LGSN: variants seen among roughly 807,000 people sequenced by gnomAD.
The protein encoded by LGSN is lengsin, lens protein with glutamine synthetase domain, also known as lengsin.
In LGSN, 21 loss-of-function variants were observed where a neutral mutation model predicts 19.5. The ratio of observed to expected loss-of-function variants is 1.07; its 90% CI spans 0.76 to 1.55. The LOEUF (loss-of-function observed/expected upper bound fraction) is 1.55, where lower values mean the gene tolerates loss of function less well. Ranked by LOEUF, LGSN falls within the 40% of genes most tolerant of loss-of-function variation. The pLI, the probability that LGSN is intolerant of heterozygous loss-of-function variation, is 0.00. For missense variants in LGSN, 673 were observed against 608.5 expected, an observed-to-expected ratio of 1.11 and a Z score of -1.12; for synonymous variants, 257 against 215.6, an observed-to-expected ratio of 1.19 and a Z score of -1.68.
chr6:63,464,532 A>ATAT, the LGSN span, among the ~76,000 whole-genome samples: 174 of 148,972 alleles, frequency 1.2e-3, no homozygotes, highest in African/African-American at 4.0e-3. Flanking sequence ...GTATGGAAAA[A>ATAT]ATATATATAT....
At chr6:63,412,198 G>A in the LGSN span, among the ~76,000 whole-genome samples, 1 of 151,306 alleles carries the variant, frequency 6.6e-6, no homozygotes. Flanking sequence ...AAAACCCTGT[G>A]TCTTCTAAAA....
the LGSN span, among the ~76,000 whole-genome samples, chr6:63,418,497 G>C: frequency 2.6e-5 from 4 of 152,290 alleles, no homozygotes; most frequent in East Asian, 7.7e-4. Context: ...GGAGGCGGAG[G>C]TTGCAGTGAG....
the LGSN span, among the ~76,000 whole-genome samples, chr6:63,348,526 T>C: frequency 6.6e-6 from 1 of 152,104 alleles, no homozygotes; most frequent in South Asian, 2.1e-4. Context: ...TTGGTGCGCA[T>C]GGCATTCTAG....
chr6:63,420,026 C>A, the LGSN span, among the ~76,000 whole-genome samples: 1 of 149,086 alleles, frequency 6.7e-6, no homozygotes, highest in Non-Finnish European at 1.5e-5. Context: ...CACGGTGAAA[C>A]CCCGTCTCTA....
the LGSN span, among the ~76,000 whole-genome samples, chr6:63,505,633 G>GAAAT: frequency 0.012 from 1,154 of 97,210 alleles, 163 homozygotes; most frequent in African/African-American, 0.023. Flanking sequence ...AAGAAAGAAA[G>GAAAT]AAATTCTGGC....
the LGSN span, among the ~76,000 whole-genome samples, chr6:63,470,265 CAAGA>C: frequency 6.6e-6 from 1 of 151,516 alleles, no homozygotes. Flanking sequence ...GTCAGGAGTT[CAAGA>C]CCAACCTGAC....
chr6:63,286,106 C>A (rs1767527901), intron 2 of LGSN, among the ~76,000 whole-genome samples: 1 of 152,116 alleles, frequency 6.6e-6, no homozygotes, highest in South Asian at 2.1e-4. Flanking sequence ...ACCATAAAAG[C>A]CTGTCTGTAG....
the LGSN span, among the ~76,000 whole-genome samples, chr6:63,425,610 G>A: frequency 6.6e-6 from 1 of 152,136 alleles, no homozygotes; most frequent in African/African-American, 2.4e-5. Flanking sequence ...GTCGAAGTTA[G>A]GGAGCGGGGG....
At chr6:63,499,704 T>A in the LGSN span, among the ~76,000 whole-genome samples, 5 of 152,092 alleles carry the variant, frequency 3.3e-5, no homozygotes, top group Middle Eastern at 3.2e-3. Flanking sequence ...ATGTGTTTTA[T>A]GTCGTTAAAA....
At chr6:63,378,034 GAAAAAAAA>G in the LGSN span, among the ~76,000 whole-genome samples, 5 of 85,490 alleles carry the variant, frequency 5.8e-5, no homozygotes, top group Admixed American at 6.9e-4. Context: ...CCAGATTTTT[GAAAAAAAA>G]AAAAAAAAAG....
At chr6:63,419,880 CAAAAAAAAAAAAAAAAAAAAAAAAA>C in the LGSN span, among the ~76,000 whole-genome samples, 478 of 57,336 alleles carry the variant, frequency 8.3e-3, 11 homozygotes, top group African/African-American at 0.04. Flanking sequence ...AACTCCCTCC[CAAAAAAAAAAAAAAAAAAAAAAAAA>C]AAAAAAAAAA....
upstream of LGSN, among the ~76,000 whole-genome samples, chr6:63,321,780 T>G (rs1297227063): frequency 6.6e-6 from 1 of 152,198 alleles, no homozygotes; most frequent in Non-Finnish European, 1.5e-5. Flanking sequence ...AAATGGTCAA[T>G]AAGTCCATAT....
the LGSN span, among the ~76,000 whole-genome samples, chr6:63,457,961 A>G: frequency 2.0e-5 from 3 of 152,170 alleles, no homozygotes; most frequent in African/African-American, 7.2e-5. Flanking sequence ...TCTACAAGGC[A>G]CTAGGTTGGA....
chr6:63,524,255 G>A, the LGSN span, among the ~76,000 whole-genome samples: 1 of 152,108 alleles, frequency 6.6e-6, no homozygotes, highest in South Asian at 2.1e-4. Flanking sequence ...AAATTGCTGG[G>A]ATTACAGACG....
At chr6:63,534,485 A>ACC in the LGSN span, among the ~76,000 whole-genome samples, 8 of 149,668 alleles carry the variant, frequency 5.3e-5, no homozygotes, top group South Asian at 1.3e-3. Context: ...ACACACACAC[A>ACC]CCTCTAAAAC....
At chr6:63,329,337 C>T in the LGSN span, among the ~76,000 whole-genome samples, 16 of 152,278 alleles carry the variant, frequency 1.1e-4, no homozygotes, top group South Asian at 8.3e-4. Context: ...ATGTCCAGAA[C>T]GATGAACCAT....
At chr6:63,495,456 CTT>C in the LGSN span, among the ~76,000 whole-genome samples, 1 of 77,752 alleles carries the variant, frequency 1.3e-5, no homozygotes, top group Non-Finnish European at 2.4e-5. Context: ...TTTTCTTTTT[CTT>C]TTTTTTTTTT....
At chr6:63,282,338 C>T (rs907702865) in intron 3 of LGSN, among the ~76,000 whole-genome samples, 3 of 152,180 alleles carry the variant, frequency 2.0e-5, no homozygotes, top group Non-Finnish European at 4.4e-5. Flanking sequence ...AGACACTTTC[C>T]TTTTCTTTCT....
At chr6:63,414,592 CT>C in the LGSN span, among the ~76,000 whole-genome samples, 1 of 152,182 alleles carries the variant, frequency 6.6e-6, no homozygotes, top group Admixed American at 6.5e-5. Flanking sequence ...ATATGTGCAG[CT>C]TTTTATATAT....
Sources: allele counts gnomAD v4.1 joint callset (sites outside exome capture counted in the v4.1 genomes callset), GRCh38; gene constraint gnomAD v4.1.1; transcripts MANE v1.5; gene names NCBI Gene and HGNC (gene_info 2026-07-23, HGNC 2026-07-21).